DYNC1I1: variants seen among roughly 807,000 people sequenced by gnomAD.
DYNC1I1 encodes cytoplasmic dynein 1 intermediate chain 1.
DYNC1I1 carries 43 observed loss-of-function variants against 86.6 expected under a neutral mutation model. That is an observed-to-expected ratio of 0.50 (90% CI 0.39 to 0.64). DYNC1I1 has a LOEUF of 0.64. DYNC1I1 is among the 30% of genes least tolerant of loss of function. The pLI is 0.00. For synonymous variants in DYNC1I1, 262 were observed against 283.7 expected (o/e 0.92, Z 0.77); for missense variants, 604 against 788.8 (o/e 0.77, Z 2.81).
intron 6 of DYNC1I1, among the ~76,000 whole-genome samples, chr7:95,875,490 C>A (rs1562930233): frequency 6.6e-6 from 1 of 152,168 alleles, no homozygotes. Context: ...TCACTCTCAT[C>A]TTTTAAACCG....
chr7:96,090,512 G>A (rs2116311764), intron 16 of DYNC1I1, among the ~76,000 whole-genome samples: 1 of 131,598 alleles, frequency 7.6e-6, no homozygotes. Flanking sequence ...TTTTTAAAAA[G>A]TGTTACTGTA....
Sources: allele counts gnomAD v4.1 joint callset (sites outside exome capture counted in the v4.1 genomes callset), GRCh38; gene constraint gnomAD v4.1.1; transcripts MANE v1.5; gene names NCBI Gene and HGNC (gene_info 2026-07-23, HGNC 2026-07-21).